The following GALNTL6 variants were observed in gnomAD, a reference collection of about 807,000 sequenced individuals.
GALNTL6 encodes the protein polypeptide N-acetylgalactosaminyltransferase like 6.
A neutral mutation model predicts 73.7 loss-of-function variants in GALNTL6; 46 were observed. The observed-to-expected ratio is 0.62, with a 90% CI of 0.49 to 0.80. The LOEUF is 0.80. GALNTL6 is among the 30% of genes least tolerant of loss of function. The pLI is 0.00. For synonymous variants in GALNTL6, 259 were observed against 263.7 expected (o/e 0.98, Z 0.17); for missense variants, 604 against 755.0 (o/e 0.80, Z 2.34).
chr4:171,993,279 G>A (rs962655859), intron 2 of GALNTL6, among the ~76,000 whole-genome samples: 1 of 151,984 alleles, frequency 6.6e-6, no homozygotes, highest in African/African-American at 2.4e-5. Flanking sequence ...TGGAAAGCAA[G>A]GATCTTCTCC....
chr4:171,858,275 A>G (rs1735743338), intron 2 of GALNTL6, among the ~76,000 whole-genome samples: 1 of 152,156 alleles, frequency 6.6e-6, no homozygotes, highest in African/African-American at 2.4e-5. Context: ...AAAACATATT[A>G]TCATGTTATT....
In GALNTL6 at chr4:171,814,576, T is replaced by A. The variant is rs771619397; in HGVS notation, c.-5T>A. The A allele has an allele frequency of 4.3e-6, 7 of 1,613,992 alleles. No homozygotes were observed. The highest frequency in any genetic ancestry group is 3.3e-4 in the Middle Eastern group (2 of 6,062). On this transcript the variant is annotated 5_prime_UTR_variant, in exon 2 of 13. The change creates a new upstream start codon in the 5' untranslated region. Transcript: ENST00000506823. The stretch of plus-strand genomic sequence containing the variant: ...TTTAACTTTTCTTCTCTGTTACCAT[T>A]TGCAATGAAGAGGAAACAGAAGAGA...
chr4:172,573,282 G>A (rs1175152379), intron 5 of GALNTL6, among the ~76,000 whole-genome samples: 2 of 152,090 alleles, frequency 1.3e-5, no homozygotes, highest in Non-Finnish European at 2.9e-5. Flanking sequence ...CCATGAAATA[G>A]CCATGTTCTA....
intron 7 of GALNTL6, among the ~76,000 whole-genome samples, chr4:172,872,679 G>A (rs1033003027): frequency 3.3e-5 from 5 of 152,162 alleles, no homozygotes; most frequent in African/African-American, 1.2e-4. Context: ...TTTGGAGTCT[G>A]CTTAAGAGTC....
chr4:172,415,399 T>G (rs1730785632), intron 5 of GALNTL6, among the ~76,000 whole-genome samples: 1 of 152,170 alleles, frequency 6.6e-6, no homozygotes, highest in African/African-American at 2.4e-5. Flanking sequence ...TGTGAGGGAT[T>G]CTACTCCACA....
chr4:172,581,332 T>A (rs1045066720), intron 5 of GALNTL6, among the ~76,000 whole-genome samples: 7 of 152,212 alleles, frequency 4.6e-5, no homozygotes, highest in African/African-American at 1.4e-4. Context: ...GGCACCTTCC[T>A]GTGAACCTGA....
At chr4:172,691,320 A>G (rs554882380) in intron 5 of GALNTL6, among the ~76,000 whole-genome samples, 3 of 152,348 alleles carry the variant, frequency 2.0e-5, no homozygotes, top group East Asian at 1.9e-4. Flanking sequence ...TGAGAAAACC[A>G]TGGGAAACTG....
intron 2 of GALNTL6, among the ~76,000 whole-genome samples, chr4:171,824,349 T>A (rs1734770799): frequency 1.3e-5 from 2 of 151,946 alleles, no homozygotes; most frequent in South Asian, 2.1e-4. Flanking sequence ...CTCCCTGGTG[T>A]TAGTTCCAGT....
intron 5 of GALNTL6, among the ~76,000 whole-genome samples, chr4:172,563,343 G>T (rs1004289224): frequency 6.7e-5 from 9 of 134,532 alleles, no homozygotes; most frequent in Non-Finnish European, 1.2e-4. Context: ...GATATGAGGA[G>T]CCCAAAATGA....
chr4:172,983,907 A>C (rs1157282457), intron 10 of GALNTL6, among the ~76,000 whole-genome samples: 1 of 151,594 alleles, frequency 6.6e-6, no homozygotes, highest in Non-Finnish European at 1.5e-5. Flanking sequence ...TTTTTGCCTG[A>C]GACATCTCCC....
At chr4:171,898,241 A>T (rs773703049) in intron 2 of GALNTL6, among the ~76,000 whole-genome samples, 8 of 152,106 alleles carry the variant, frequency 5.3e-5, no homozygotes, top group Non-Finnish European at 1.0e-4. Context: ...GGTATGGAGG[A>T]AATGTATTCT....
At chr4:171,975,962 G>T (rs1739709054) in intron 2 of GALNTL6, among the ~76,000 whole-genome samples, 1 of 151,858 alleles carries the variant, frequency 6.6e-6, no homozygotes, top group Non-Finnish European at 1.5e-5. Context: ...TCCTCTTGTT[G>T]CCCAGGCTGG....
In GALNTL6 at chr4:171,877,703, A is replaced by G. The variant is rs987500853; in HGVS notation, c.138+62985A>G. On this transcript the variant is annotated intron_variant, in intron 2 of 12. Transcript: ENST00000506823. ...GCTGCCTTTTAAGTACTATGTTAAT[A>G]TTGGTGATGCTTTTCCGGAAACGGA... Among the ~76,000 whole-genome samples the G allele has an allele frequency of 7.2e-5, 11 of 152,252 alleles. No individual in the cohort carries two copies. In the East Asian group the frequency reaches 1.5e-3, roughly 21 times the overall value.
chr4:172,485,710 A>G (rs1733641016), intron 5 of GALNTL6, among the ~76,000 whole-genome samples: 1 of 152,210 alleles, frequency 6.6e-6, no homozygotes, highest in Admixed American at 6.5e-5. Flanking sequence ...CAAATAAAAA[A>G]GAGAACTGGC....
chr4:171,832,995 A>G (rs2110828054), intron 2 of GALNTL6, among the ~76,000 whole-genome samples: 1 of 151,926 alleles, frequency 6.6e-6, no homozygotes, highest in South Asian at 2.1e-4. Context: ...GCAGCCTTAA[A>G]TGCTAATTTT....
chr4:172,976,310 G>A (rs1033266094), intron 10 of GALNTL6, among the ~76,000 whole-genome samples: 5 of 152,212 alleles, frequency 3.3e-5, no homozygotes, highest in African/African-American at 1.2e-4. Context: ...CTATTTAGAA[G>A]AAGTTAAGTA....
chr4:172,618,556 T>C (rs1001226086), intron 5 of GALNTL6, among the ~76,000 whole-genome samples: 7 of 152,144 alleles, frequency 4.6e-5, no homozygotes, highest in Non-Finnish European at 8.8e-5. Flanking sequence ...TCATGGGAAA[T>C]GGACCTTCCC....
intron 5 of GALNTL6, among the ~76,000 whole-genome samples, chr4:172,622,465 G>A (rs1320871931): frequency 6.6e-6 from 1 of 152,124 alleles, no homozygotes; most frequent in Non-Finnish European, 1.5e-5. Context: ...AACAGCATTA[G>A]AAGCTAGAAA....
intron 8 of GALNTL6, among the ~76,000 whole-genome samples, chr4:172,927,144 G>A (rs1748098287): frequency 6.6e-6 from 1 of 152,110 alleles, no homozygotes; most frequent in Non-Finnish European, 1.5e-5. Context: ...AGGCTCTGAG[G>A]GAAAAATATA....
Sources: allele counts gnomAD v4.1 joint callset (sites outside exome capture counted in the v4.1 genomes callset), GRCh38; gene constraint gnomAD v4.1.1; transcripts MANE v1.5; gene names NCBI Gene and HGNC (gene_info 2026-07-23, HGNC 2026-07-21).